The following ZNF148 variants were observed in gnomAD, a reference collection of about 807,000 sequenced individuals.
ZNF148 encodes Beta-Enolase Repressor Factor-1.
In ZNF148, 7 loss-of-function variants were observed where a neutral mutation model predicts 67.7. That is an observed-to-expected ratio of 0.10 (90% CI 0.06 to 0.19). ZNF148 has a LOEUF of 0.19. Among genes scored for constraint, ZNF148 ranks in the 10% least tolerant of loss-of-function variants. The probability of loss-of-function intolerance (pLI) is 1.00; values close to 1 mark genes in which losing one functional copy is unlikely to be tolerated. For synonymous variants in ZNF148, 333 were observed against 330.7 expected (o/e 1.01, Z -0.08); for missense variants, 583 against 947.1 (o/e 0.62, Z 5.05).
intron 7 of ZNF148, among the ~76,000 whole-genome samples, chr3:125,274,196 C>T (rs1234543494): frequency 6.6e-6 from 1 of 152,148 alleles, no homozygotes; most frequent in Non-Finnish European, 1.5e-5. Context: ...AATGTTTAAC[C>T]TTGATATGCG....
intron 1 of ZNF148, among the ~76,000 whole-genome samples, chr3:125,341,316 T>TAA (rs35673839): frequency 9.7e-5 from 13 of 134,698 alleles, no homozygotes; most frequent in East Asian, 4.3e-4. Flanking sequence ...CAGAAAAATT[T>TAA]AAAAAAAAAA....
At chr3:125,349,730 CT>C (rs765942190) in intron 1 of ZNF148, among the ~76,000 whole-genome samples, 3 of 152,162 alleles carry the variant, frequency 2.0e-5, no homozygotes, top group Non-Finnish European at 4.4e-5. Flanking sequence ...AATCCCAGCA[CT>C]TCAGGAGGCT....
rs1935891925 is a variant in ZNF148, at chr3:125,232,372, G to A, written c.2354C>T (p.Pro785Leu). 6.2e-7 allele frequency: 1 copy of A among 1,607,066 alleles called. No homozygotes were observed. Among genetic ancestry groups the A allele is most frequent in the Non-Finnish European group, 8.5e-7 (1 of 1,174,950 alleles). ...NDNRAGMTSS[P>L]DATTGQTFG is the part of the protein sequence containing the mutation. ...AAAAGTCTGGCCAGTTGTGGCATCA[G>A]GTGAAGATGTCATCCCAGCTCTATT... is the stretch of plus-strand genomic sequence containing the variant. The change falls in exon 9 of 9, where the codon CCT becomes CTT. Residue 785 changes from proline to leucine, a missense_variant. Physicochemically the swap from Pro to Leu is moderately conservative, Grantham distance 98. This residue lies in a region of ZNF148 where 158 missense variants were observed against 208.4 expected (regional missense o/e 0.76). Coordinates refer to ENST00000360647, the MANE Select transcript of ZNF148 (RefSeq NM_021964.3). The surrounding 1 kb of genome is among the most constrained non-coding windows in gnomAD (Gnocchi z 4.2).
At chr3:125,261,566 G>C (rs1397817721) in intron 7 of ZNF148, among the ~76,000 whole-genome samples, 3 of 152,166 alleles carry the variant, frequency 2.0e-5, no homozygotes, top group South Asian at 2.1e-4. Flanking sequence ...ATAGTGAAAA[G>C]GAGGTAGAAT....
intron 3 of ZNF148, among the ~76,000 whole-genome samples, chr3:125,313,881 C>T (rs934538334): frequency 6.6e-6 from 1 of 151,958 alleles, no homozygotes; most frequent in Admixed American, 6.6e-5. Context: ...ATCCTAACTA[C>T]TTTATTATTG....
chr3:125,340,104 T>C (rs1019771680), intron 1 of ZNF148, among the ~76,000 whole-genome samples: 11 of 152,078 alleles, frequency 7.2e-5, no homozygotes, highest in African/African-American at 2.7e-4. Context: ...ACCCAAGGAA[T>C]GGAGAAACAA....
intron 1 of ZNF148, among the ~76,000 whole-genome samples, chr3:125,349,780 G>A (rs1429902722): frequency 6.6e-6 from 1 of 152,174 alleles, no homozygotes; most frequent in African/African-American, 2.4e-5. Flanking sequence ...GTTTGAGGTT[G>A]CAGTGAGCTA....
intron 4 of ZNF148, among the ~76,000 whole-genome samples, chr3:125,293,560 A>G (rs1478827836): frequency 1.3e-5 from 2 of 152,184 alleles, no homozygotes; most frequent in East Asian, 1.9e-4. Flanking sequence ...GTCAGAAGCT[A>G]AAGTGTTCAA....
intron 1 of ZNF148, among the ~76,000 whole-genome samples, chr3:125,364,040 GTC>G (rs771388765): frequency 1.2e-4 from 19 of 152,246 alleles, no homozygotes; most frequent in Non-Finnish European, 2.1e-4. Context: ...TTCTTAAATA[GTC>G]TCTTATTTAC....
intron 3 of ZNF148, among the ~76,000 whole-genome samples, chr3:125,319,249 A>G (rs1940665208): frequency 6.6e-6 from 1 of 152,236 alleles, no homozygotes; most frequent in Non-Finnish European, 1.5e-5. Flanking sequence ...ATTAAAAACT[A>G]AGCTTTATAG....
chr3:125,317,679 A>AGAGAGAGAGAGAGAGAGAGAGAGAGAG (rs61407940), intron 3 of ZNF148, among the ~76,000 whole-genome samples: 4 of 114,832 alleles, frequency 3.5e-5, no homozygotes, highest in Admixed American at 8.9e-5. Context: ...AGAGAGAGAG[A>AGAGAGAGAGAGAGAGAGAGAGAGAGAG]AATACATATA....
intron 3 of ZNF148, among the ~76,000 whole-genome samples, chr3:125,320,019 G>A (rs1014668440): frequency 6.6e-6 from 1 of 152,096 alleles, no homozygotes; most frequent in African/African-American, 2.4e-5. Context: ...AGAACTTTCC[G>A]ACACAGAATC....
chr3:125,318,847 C>T (rs970533511), intron 3 of ZNF148, among the ~76,000 whole-genome samples: 5 of 152,160 alleles, frequency 3.3e-5, no homozygotes, highest in Admixed American at 2.6e-4. Flanking sequence ...ATCTCCCTTT[C>T]GCAGATTACT....
intron 1 of ZNF148, among the ~76,000 whole-genome samples, chr3:125,368,988 G>A (rs577545308): frequency 7.4e-5 from 11 of 149,268 alleles, no homozygotes; most frequent in African/African-American, 1.5e-4. Context: ...TGGGCTCGGC[G>A]CAGTGGCTCA....
chr3:125,359,940 C>G (rs1422434331), intron 1 of ZNF148, among the ~76,000 whole-genome samples: 1 of 152,252 alleles, frequency 6.6e-6, no homozygotes, highest in Non-Finnish European at 1.5e-5. Context: ...ACCGCCAGCA[C>G]AGGCCCGCCC....
intron 1 of ZNF148, chr3:125,344,528 C>A: frequency 1.8e-6 from 2 of 1,112,660 alleles, no homozygotes; most frequent in South Asian, 2.5e-5. Context: ...AATGTGAAGC[C>A]AAACTCAAAT....
intron 7 of ZNF148, among the ~76,000 whole-genome samples, chr3:125,261,507 T>C (rs919297855): frequency 1.6e-4 from 24 of 152,222 alleles, no homozygotes; most frequent in African/African-American, 5.3e-4. Context: ...TGATAAATGT[T>C]GACAATTTAA....
At chr3:125,259,532 A>G (rs1338015421) in intron 7 of ZNF148, among the ~76,000 whole-genome samples, 1 of 152,240 alleles carries the variant, frequency 6.6e-6, no homozygotes, top group Non-Finnish European at 1.5e-5. Flanking sequence ...ATCACAATAA[A>G]GCAAGTCACA....
intron 1 of ZNF148, among the ~76,000 whole-genome samples, chr3:125,373,813 A>C (rs1165679484): frequency 1.3e-5 from 2 of 152,188 alleles, no homozygotes; most frequent in African/African-American, 2.4e-5. Context: ...TTATGGAACC[A>C]ATCCAGCCAA....
Sources: allele counts gnomAD v4.1 joint callset (sites outside exome capture counted in the v4.1 genomes callset), GRCh38; gene constraint gnomAD v4.1.1; regional missense constraint gnomAD v4.1.1; non-coding constraint Gnocchi (gnomAD v3.1); transcripts MANE v1.5; gene names NCBI Gene and HGNC (gene_info 2026-07-23, HGNC 2026-07-21).